TNFRSF8: variants seen among roughly 807,000 people sequenced by gnomAD.
TNFRSF8 encodes the protein TNF receptor superfamily member 8, also known as tumor necrosis factor receptor superfamily member 8.
A neutral mutation model predicts 70.8 loss-of-function variants in TNFRSF8; 26 were observed. The observed-to-expected ratio is 0.37, with a 90% CI of 0.27 to 0.51. The LOEUF (loss-of-function observed/expected upper bound fraction) is 0.51, where lower values mean the gene tolerates loss of function less well. Among genes scored for constraint, TNFRSF8 ranks in the 20% least tolerant of loss-of-function variants. The pLI is 0.94. For missense variants in TNFRSF8, 720 were observed against 807.9 expected (o/e 0.89, Z 1.32); for synonymous variants, 356 against 339.2 (o/e 1.05, Z -0.54).
intron 12 of TNFRSF8, among the ~76,000 whole-genome samples, chr1:12,132,240 G>T (rs75967035): frequency 0.013 from 1,937 of 152,328 alleles, 41 homozygotes; most frequent in African/African-American, 0.043. Flanking sequence ...ATTGACACAG[G>T]ATTACAAACG....
At chr1:12,117,822 C>T (rs1055416595) in intron 8 of TNFRSF8, among the ~76,000 whole-genome samples, 1 of 152,150 alleles carries the variant, frequency 6.6e-6, no homozygotes, top group Non-Finnish European at 1.5e-5. Flanking sequence ...TAAATAATTT[C>T]TCATGGTCCA....
chr1:12,122,628 C>T (rs1211685198), intron 8 of TNFRSF8, among the ~76,000 whole-genome samples: 1 of 151,702 alleles, frequency 6.6e-6, no homozygotes, highest in Non-Finnish European at 1.5e-5. Flanking sequence ...GTCTGGGCAG[C>T]AGAGGAAGAC....
chr1:12,077,244 C>T (rs534463076), intron 1 of TNFRSF8, among the ~76,000 whole-genome samples: 2 of 152,256 alleles, frequency 1.3e-5, no homozygotes, highest in South Asian at 4.1e-4. Context: ...ACATTCTAAT[C>T]CTTGAAACCT....
intron 1 of TNFRSF8, among the ~76,000 whole-genome samples, chr1:12,069,455 CA>C (rs1640804701): frequency 1.3e-5 from 2 of 152,268 alleles, no homozygotes; most frequent in African/African-American, 4.8e-5. Flanking sequence ...GCTGGGAATA[CA>C]GGGGTGAGCC....
chr1:12,138,502 C>A lies in TNFRSF8; in HGVS notation c.1543+66C>A. ...GCAGATGGGAGATGAATACGGGGCCCTGGGCCCTGGAAGGGACCTGGAGAC... is the reference window on the plus strand; with the variant it reads ...GCAGATGGGAGATGAATACGGGGCCATGGGCCCTGGAAGGGACCTGGAGAC... On this transcript the variant is annotated intron_variant, in intron 14 of 14. Coordinates refer to ENST00000263932, the MANE Select transcript of TNFRSF8 (RefSeq NM_001243.5). The surrounding 1 kb of genome is among the most constrained non-coding windows in gnomAD (Gnocchi z 5.7). The A allele has an allele frequency of 6.8e-7, 1 of 1,468,228 alleles. No homozygotes were observed. The allele number at this position is 1,468,228 out of a possible 1,614,324, so 91.0% of individuals were successfully genotyped here.
In TNFRSF8 at chr1:12,125,968, G is replaced by A. The variant is rs1178802236; in HGVS notation, c.1171G>A (p.Val391Met). The A allele has an allele frequency of 6.2e-7, 1 of 1,614,190 alleles. No homozygotes were observed. The highest frequency in any genetic ancestry group is 1.7e-5 in the Admixed American group (1 of 60,024). Residue 391 changes from valine (V) to methionine (M), a missense_variant, in exon 11 of 15, where the codon GTG becomes ATG. By Grantham distance (21) the Val-to-Met change is conservative. Coordinates refer to ENST00000263932, the MANE Select transcript of TNFRSF8 (RefSeq NM_001243.5). ...VLDAGPVLFW[V>M]ILVLVVVVGS... ...TGTTCCAGGGCCAGTGCTCTTCTGGGTGATCCTGGTGTTGGTTGTGGTGGT... is the reference window on the plus strand; with the variant it reads ...TGTTCCAGGGCCAGTGCTCTTCTGGATGATCCTGGTGTTGGTTGTGGTGGT...
chr1:12,096,346 GGAA>G (rs1216260626), intron 2 of TNFRSF8, among the ~76,000 whole-genome samples: 21 of 151,104 alleles, frequency 1.4e-4, no homozygotes, highest in Non-Finnish European at 2.2e-4. Context: ...GGGCCACATT[GGAA>G]GAAGAAGTGT....
At chr1:12,125,202 C>T (rs1028125624) in intron 10 of TNFRSF8, among the ~76,000 whole-genome samples, 1 of 152,216 alleles carries the variant, frequency 6.6e-6, no homozygotes, top group African/African-American at 2.4e-5. Flanking sequence ...AGTGCAATCA[C>T]TAGCTCTATG....
At chr1:12,121,464 C>G (rs563931267) in intron 8 of TNFRSF8, among the ~76,000 whole-genome samples, 3 of 152,294 alleles carry the variant, frequency 2.0e-5, no homozygotes, top group African/African-American at 7.2e-5. Flanking sequence ...GCATAACCCA[C>G]TTCTAATGTG....
chr1:12,097,126 A>T lies in TNFRSF8; in HGVS notation c.177A>T (p.Pro59=), dbSNP rs1026848164. The change falls in exon 3 of 15, where the codon CCA becomes CCT. Residue 59 remains proline, a synonymous_variant. Transcript: ENST00000263932. ...GGCTGTTCCCGACACAGCAGTGCCC[A>T]CAGAGGCCTACTGACTGCAGGAAGC... ...PMGLFPTQQC[P]QRPTDCRKQC... is the part of the protein sequence containing the mutation. 6.2e-6 allele frequency: 10 copies of T among 1,613,986 alleles called. No homozygotes were observed. Among genetic ancestry groups the T allele is most frequent in the Non-Finnish European group, 8.5e-6 (10 of 1,179,938 alleles).
intron 3 of TNFRSF8, among the ~76,000 whole-genome samples, chr1:12,104,012 G>A (rs1187218047): frequency 6.6e-6 from 1 of 152,080 alleles, no homozygotes; most frequent in African/African-American, 2.4e-5. Context: ...TCCTGAGCTC[G>A]TTGGTTCACC....
Position 12,112,392 on chromosome 1 carries a change from CTT to C in TNFRSF8, c.793+390_793+391del, listed in dbSNP as rs767157710. Among the ~76,000 whole-genome samples the C allele has an allele frequency of 1.4e-5, 2 of 144,648 alleles. No individual in the cohort carries two copies. The highest frequency in any genetic ancestry group is 2.5e-5 in the African/African-American group (1 of 39,546). The allele number at this position is 144,648 out of a possible 152,430, so 94.9% of individuals were successfully genotyped here. On this transcript the variant is annotated intron_variant, in intron 7 of 14. Transcript: ENST00000263932. The surrounding 1 kb of genome is among the most constrained non-coding windows in gnomAD (Gnocchi z 5.3). ...TCGCTGCCCCTATGAGCCACTTATT[CTT>C]TTTTTTTTTTTCCCAGACAGGGTCT...
chr1:12,130,744 G>C (rs931495469), intron 12 of TNFRSF8, among the ~76,000 whole-genome samples: 1 of 152,280 alleles, frequency 6.6e-6, no homozygotes, highest in African/African-American at 2.4e-5. Flanking sequence ...CTGCTGCCCA[G>C]CATGGTCCTG....
intron 1 of TNFRSF8, among the ~76,000 whole-genome samples, chr1:12,081,926 T>C (rs1641070778): frequency 6.6e-6 from 1 of 152,132 alleles, no homozygotes; most frequent in South Asian, 2.1e-4. Flanking sequence ...ATGGAAATGC[T>C]ACAAGGCTTC....
At chr1:12,111,162 A>C (rs185592819) in intron 6 of TNFRSF8, among the ~76,000 whole-genome samples, 15 of 151,654 alleles carry the variant, frequency 9.9e-5, no homozygotes, top group Non-Finnish European at 1.3e-4. Context: ...TATTCTCTCT[A>C]TGATGTCTTT....
At position 12,119,391 on chromosome 1, in the gene TNFRSF8, G is replaced by T. The variant is rs1557598083; in HGVS notation, c.946+3662G>T. Among the ~76,000 whole-genome samples the T allele has an allele frequency of 6.6e-6, 1 of 152,070 alleles. No individual in the cohort carries two copies. ...CTCTGTGCACCTGACCAGAAGCATA[G>T]ACTTCAGGTCAAAAGGACCTACCAA... is the stretch of plus-strand genomic sequence containing the variant. On this transcript the variant is annotated intron_variant, in intron 8 of 14. Coordinates refer to ENST00000263932, the MANE Select transcript of TNFRSF8 (RefSeq NM_001243.5). The surrounding 1 kb of genome is among the most constrained non-coding windows in gnomAD (Gnocchi z 4.4).
intron 3 of TNFRSF8, among the ~76,000 whole-genome samples, chr1:12,102,423 G>A (rs187803399): frequency 6.6e-5 from 10 of 152,276 alleles, no homozygotes; most frequent in African/African-American, 1.7e-4. Flanking sequence ...TCTGCCTTCC[G>A]TATTTCGGGG....
intron 8 of TNFRSF8, among the ~76,000 whole-genome samples, chr1:12,122,143 C>T (rs1641840403): frequency 6.6e-6 from 1 of 152,052 alleles, no homozygotes; most frequent in African/African-American, 2.4e-5. Flanking sequence ...GAGTTAGTTA[C>T]CTTTGTCAGA....
At chr1:12,070,097 C>T (rs148767595) in intron 1 of TNFRSF8, among the ~76,000 whole-genome samples, 351 of 149,378 alleles carry the variant, frequency 2.3e-3, no homozygotes, top group African/African-American at 8.0e-3. Flanking sequence ...AGGTTTTTGG[C>T]AGGGGAGCAA....
Sources: gnomAD v4.1 joint callset for allele counts (sites outside exome capture counted in the v4.1 genomes callset) on GRCh38, gnomAD v4.1.1 for gene constraint, Gnocchi (gnomAD v3.1) non-coding constraint, MANE v1.5 for transcripts, NCBI Gene and HGNC (gene_info 2026-07-23, HGNC 2026-07-21) for gene names.